Variants in WDTC1 observed in about 807,000 individuals in gnomAD.
WDTC1 encodes WD and tetratricopeptide repeats protein 1.
WDTC1 carries 12 observed loss-of-function variants against 76.0 expected under a neutral mutation model. That is an observed-to-expected ratio of 0.16 (90% CI 0.10 to 0.26). WDTC1 has a LOEUF of 0.26. Among genes scored for constraint, WDTC1 ranks in the 10% least tolerant of loss-of-function variants. The pLI, the probability that WDTC1 is intolerant of heterozygous loss-of-function variation, is 1.00. For synonymous variants in WDTC1, 326 were observed against 350.8 expected, an observed-to-expected ratio of 0.93 and a Z score of 0.79; for missense variants, 511 against 908.8, an observed-to-expected ratio of 0.56 and a Z score of 5.63.
At chr1:27,290,229 G>T (rs908895500) in intron 6 of WDTC1, among the ~76,000 whole-genome samples, 5 of 151,996 alleles carry the variant, frequency 3.3e-5, no homozygotes, top group Non-Finnish European at 7.4e-5. Flanking sequence ...CTACAGACAC[G>T]CTCCACCATG....
intron 13 of WDTC1, among the ~76,000 whole-genome samples, chr1:27,302,896 C>T (rs1016796216): frequency 6.6e-6 from 1 of 152,192 alleles, no homozygotes; most frequent in African/African-American, 2.4e-5. Context: ...TGATCAGTGA[C>T]TCTCATTTGG....
intron 5 of WDTC1, among the ~76,000 whole-genome samples, chr1:27,286,155 A>G (rs12041112): frequency 6.6e-6 from 1 of 151,734 alleles, no homozygotes; most frequent in East Asian, 1.9e-4. Flanking sequence ...ACAGGTGCAC[A>G]CCACCACATC....
intron 1 of WDTC1, among the ~76,000 whole-genome samples, chr1:27,238,025 TTACTTTATCCAGTG>T (rs778127698): frequency 2.0e-5 from 3 of 152,212 alleles, no homozygotes; most frequent in Non-Finnish European, 2.9e-5. Context: ...GCTAGTATTT[TTACTTTATCCAGTG>T]TAACCTTCAT....
At chr1:27,242,470 CT>C (rs1207764622) in intron 1 of WDTC1, among the ~76,000 whole-genome samples, 3 of 148,712 alleles carry the variant, frequency 2.0e-5, no homozygotes, top group Non-Finnish European at 3.0e-5. Context: ...GACCCTGTCT[CT>C]TTTTTTTTTG....
chr1:27,235,497 C>T (rs1160935185), intron 1 of WDTC1, among the ~76,000 whole-genome samples: 1 of 151,232 alleles, frequency 6.6e-6, no homozygotes, highest in Non-Finnish European at 1.5e-5. Flanking sequence ...AAGGTGTTTC[C>T]ACCAGGCGAC....
intron 9 of WDTC1, among the ~76,000 whole-genome samples, chr1:27,295,155 C>G (rs1223553404): frequency 6.6e-6 from 1 of 152,154 alleles, no homozygotes; most frequent in Non-Finnish European, 1.5e-5. Flanking sequence ...CATTTATTTA[C>G]TCTACCAACA....
rs947585180 is a variant in WDTC1 at position 27,263,601 on chromosome 1, TTTTTTTGTA to T, written c.132+372_132+380del. Among the ~76,000 whole-genome samples, 35 of 152,076 alleles carry T rather than the reference TTTTTTTGTA, an allele frequency of 2.3e-4. No homozygotes were observed. The East Asian group carries it at 6.0e-3, about 26-fold the overall frequency. ...GGCGCCCATCACCATGCCCAGCTAA[TTTTTTTGTA>T]TTTTTAGTAGAGACGGGGTTTCACC... On this transcript the variant is annotated intron_variant, in intron 3 of 15. Transcript: ENST00000319394.
intron 7 of WDTC1, among the ~76,000 whole-genome samples, chr1:27,293,159 G>A (rs758560551): frequency 5.9e-5 from 9 of 151,794 alleles, no homozygotes; most frequent in African/African-American, 1.7e-4. Context: ...TAGGCCGGGC[G>A]TGGTGGCTCA....
At chr1:27,283,203 AG>A in intron 4 of WDTC1, 134 bp from the exon 5 acceptor site, 1 of 699,058 alleles carries the variant, frequency 1.4e-6, no homozygotes, top group Non-Finnish European at 2.4e-6. Flanking sequence ...GCTGTTTACA[AG>A]GCAACCTTAA....
At chr1:27,238,363 C>G (rs1335489919) in intron 1 of WDTC1, among the ~76,000 whole-genome samples, 2 of 152,152 alleles carry the variant, frequency 1.3e-5, no homozygotes, top group Admixed American at 6.5e-5. Context: ...ACATAATTTC[C>G]AAGAAGGTAG....
intron 3 of WDTC1, among the ~76,000 whole-genome samples, 192 bp downstream of exon 3, chr1:27,263,427 A>T (rs1482328754): frequency 1.3e-5 from 2 of 151,910 alleles, no homozygotes; most frequent in Non-Finnish European, 2.9e-5. Context: ...ATAAATTATT[A>T]TTTTTTTATT....
At chr1:27,292,518 C>G in intron 7 of WDTC1, 121 bp downstream of exon 7, 1 of 953,972 alleles carries the variant, frequency 1.0e-6, no homozygotes, top group Non-Finnish European at 1.5e-6. Context: ...GCCTCAACCT[C>G]CCAGGCTCAA....
chr1:27,262,624 G>T (rs939689047), intron 2 of WDTC1, among the ~76,000 whole-genome samples: 1 of 151,916 alleles, frequency 6.6e-6, no homozygotes, highest in Non-Finnish European at 1.5e-5. Context: ...CTGACCTCAG[G>T]TTCCTTGGCC....
intron 1 of WDTC1, among the ~76,000 whole-genome samples, chr1:27,250,307 C>T (rs1408138895): frequency 6.6e-6 from 1 of 152,026 alleles, no homozygotes; most frequent in African/African-American, 2.4e-5. Flanking sequence ...CTGCCTCAGC[C>T]TCCCAAGTAA....
chr1:27,261,170 G>GA (rs2012466648), intron 2 of WDTC1, 68 bp downstream of exon 2: 3 of 1,587,000 alleles, frequency 1.9e-6, no homozygotes, highest in African/African-American at 2.7e-5. Context: ...TTTTACAGAT[G>GA]AAAAAACTGA....
At chr1:27,272,662 A>C (rs547977118) in intron 3 of WDTC1, among the ~76,000 whole-genome samples, 2 of 152,192 alleles carry the variant, frequency 1.3e-5, no homozygotes, top group Admixed American at 1.3e-4. Flanking sequence ...GCTTGTTTCA[A>C]TATAAACTCA....
chr1:27,240,654 T>C (rs1372559768), intron 1 of WDTC1, among the ~76,000 whole-genome samples: 1 of 152,100 alleles, frequency 6.6e-6, no homozygotes, highest in Admixed American at 6.6e-5. Flanking sequence ...TGAAGGGCTT[T>C]GTGGCATTGA....
At chr1:27,235,741 A>G (rs1329371007) in intron 1 of WDTC1, among the ~76,000 whole-genome samples, 1 of 152,040 alleles carries the variant, frequency 6.6e-6, no homozygotes, top group Admixed American at 6.6e-5. Context: ...GGAGAGGTAC[A>G]GGGGCCTGTA....
chr1:27,300,202 A>G lies in WDTC1; in HGVS notation c.1233-1024A>G, dbSNP rs2013797233. ...AAGGAGGCTCAGGAAGAACCTTCCC[A>G]TGTCAGGCCTGCCTTAGCCATGCCG... On this transcript the variant is annotated intron_variant, in intron 12 of 15. Coordinates refer to ENST00000319394, the MANE Select transcript of WDTC1 (RefSeq NM_001276252.2). 2.6e-5 allele frequency among the ~76,000 whole-genome samples: 4 copies of G among 152,174 alleles called. No individual in the cohort carries two copies. The South Asian group carries it at 8.3e-4, about 32-fold the overall frequency.
Sources: gnomAD v4.1 joint callset for allele counts (sites outside exome capture counted in the v4.1 genomes callset) on GRCh38, gnomAD v4.1.1 for gene constraint, MANE v1.5 for transcripts, NCBI Gene and HGNC (gene_info 2026-07-23, HGNC 2026-07-21) for gene names.